The following VWA8 variants were observed in gnomAD, a reference collection of about 807,000 sequenced individuals.
VWA8 encodes the protein von Willebrand factor A domain-containing protein 8.
In VWA8, 221 loss-of-function variants were observed where a neutral mutation model predicts 241.5. The observed-to-expected ratio is 0.91, with a 90% CI of 0.82 to 1.02. The LOEUF (loss-of-function observed/expected upper bound fraction) is 1.02, where lower values mean the gene tolerates loss of function less well. Ranked by LOEUF, VWA8 falls within the 50% of genes least tolerant of loss-of-function variation. The pLI is 0.00. For missense variants in VWA8, 2,322 were observed against 2,328.7 expected (o/e 1.00, Z 0.06); for synonymous variants, 852 against 827.1 (o/e 1.03, Z -0.52).
At chr13:41,786,988 T>C (rs1192907921) in intron 18 of VWA8, among the ~76,000 whole-genome samples, 1 of 151,790 alleles carries the variant, frequency 6.6e-6, no homozygotes, top group African/African-American at 2.4e-5. Context: ...ATGCATATTC[T>C]GATTATTATT....
Position 41,778,073 on chromosome 13 carries a change from T to C in VWA8, c.2278-17A>G, listed in dbSNP as rs768249529. 1 of 1,601,926 alleles carries C rather than the reference T, an allele frequency of 6.2e-7. No individual in the cohort carries two copies. The highest frequency in any genetic ancestry group is 8.5e-7 in the Non-Finnish European group (1 of 1,173,586). On this transcript the variant is annotated splice_polypyrimidine_tract_variant and intron_variant, in intron 19 of 44. Transcript: ENST00000379310. ...TATCACATGCTAGAGAAAAAGGAAC[T>C]AGGGGTTAACTGTTTTGTACAATCA...
At chr13:41,606,367 C>T (rs187819271) in intron 39 of VWA8, among the ~76,000 whole-genome samples, 48 of 152,228 alleles carry the variant, frequency 3.2e-4, no homozygotes, top group African/African-American at 1.1e-3. Flanking sequence ...CTTAAACCGT[C>T]AGTAGAAAGT....
chr13:41,802,512 C>G (rs1490060652), intron 17 of VWA8, among the ~76,000 whole-genome samples: 1 of 152,206 alleles, frequency 6.6e-6, no homozygotes, highest in Non-Finnish European at 1.5e-5. Context: ...CCAGTGCGGA[C>G]AGCCAAGGCA....
At chr13:41,796,581 A>G (rs377509186) in intron 17 of VWA8, among the ~76,000 whole-genome samples, 2 of 152,020 alleles carry the variant, frequency 1.3e-5, no homozygotes, top group Admixed American at 6.5e-5. Context: ...TTATCTATTA[A>G]TATTTTCAAA....
At chr13:41,765,188 A>G (rs1406833752) in intron 20 of VWA8, among the ~76,000 whole-genome samples, 1 of 151,964 alleles carries the variant, frequency 6.6e-6, no homozygotes, top group East Asian at 1.9e-4. Flanking sequence ...GGGGGAGGGA[A>G]GTCTAGTTAT....
intron 35 of VWA8, among the ~76,000 whole-genome samples, chr13:41,684,129 C>T (rs968792619): frequency 2.0e-5 from 3 of 152,080 alleles, no homozygotes; most frequent in African/African-American, 7.2e-5. Flanking sequence ...TCAGTTTATT[C>T]ATCTGCCTCT....
intron 37 of VWA8, among the ~76,000 whole-genome samples, chr13:41,657,179 C>T (rs1420225514): frequency 3.9e-5 from 6 of 152,106 alleles, no homozygotes; most frequent in Non-Finnish European, 1.5e-5. Context: ...TTACCCAGTG[C>T]TACCAGGACC....
intron 20 of VWA8, among the ~76,000 whole-genome samples, chr13:41,772,239 T>A (rs9525542): frequency 0.084 from 12,777 of 152,210 alleles, 549 homozygotes; most frequent in East Asian, 0.11. Flanking sequence ...TTATGGCTGA[T>A]TCTATAGCCC....
intron 24 of VWA8, among the ~76,000 whole-genome samples, chr13:41,725,844 C>T (rs1453134404): frequency 1.3e-5 from 2 of 152,162 alleles, no homozygotes; most frequent in African/African-American, 4.8e-5. Context: ...TATTACATCT[C>T]TAAGTGCATC....
intron 42 of VWA8, among the ~76,000 whole-genome samples, chr13:41,585,071 G>T (rs753006286): frequency 6.8e-6 from 1 of 147,510 alleles, no homozygotes; most frequent in African/African-American, 2.5e-5. Flanking sequence ...AGTTTGGTTT[G>T]TAACTGTCAA....
At chr13:41,661,259 A>T (rs1353137551) in intron 37 of VWA8, among the ~76,000 whole-genome samples, 5 of 152,210 alleles carry the variant, frequency 3.3e-5, no homozygotes, top group African/African-American at 7.2e-5. Flanking sequence ...GCTCAGAAAC[A>T]CTGACTTCTA....
intron 13 of VWA8, among the ~76,000 whole-genome samples, chr13:41,831,783 A>G (rs896142268): frequency 1.4e-5 from 2 of 145,246 alleles, no homozygotes; most frequent in Admixed American, 1.4e-4. Flanking sequence ...CCATGCCCAG[A>G]TAATTTTTGT....
At chr13:41,758,129 G>A (rs933496320) in intron 21 of VWA8, among the ~76,000 whole-genome samples, 3 of 151,020 alleles carry the variant, frequency 2.0e-5, no homozygotes, top group Admixed American at 6.6e-5. Flanking sequence ...AATTTACTAC[G>A]ACGGAAGCTC....
chr13:41,795,072 C>T (rs1276591455), intron 17 of VWA8, among the ~76,000 whole-genome samples: 1 of 151,876 alleles, frequency 6.6e-6, no homozygotes, highest in East Asian at 1.9e-4. Context: ...GTCTAATATC[C>T]AGAATCCACA....
chr13:41,682,439 C>T (rs946337428), intron 35 of VWA8, among the ~76,000 whole-genome samples: 1 of 152,060 alleles, frequency 6.6e-6, no homozygotes, highest in Non-Finnish European at 1.5e-5. Flanking sequence ...TAGAAGAAAA[C>T]ATAGAAGATT....
At chr13:41,901,642 C>T (rs1875430169) in intron 4 of VWA8, among the ~76,000 whole-genome samples, 1 of 151,588 alleles carries the variant, frequency 6.6e-6, no homozygotes, top group African/African-American at 2.4e-5. Context: ...CCGAGGTATG[C>T]GGATCACCTG....
intron 21 of VWA8, among the ~76,000 whole-genome samples, chr13:41,739,549 T>G (rs1006997689): frequency 6.6e-6 from 1 of 152,276 alleles, no homozygotes; most frequent in Non-Finnish European, 1.5e-5. Flanking sequence ...CAGAAAAAAT[T>G]CCCAATGCTC....
At chr13:41,568,348 G>A (rs1177204623) in intron 44 of VWA8, 43 bp from the exon 45 acceptor site, 2 of 1,554,026 alleles carry the variant, frequency 1.3e-6, no homozygotes, top group African/African-American at 1.4e-5. Flanking sequence ...CTGTAAATGG[G>A]GCTCCCTTCC....
chr13:41,901,895 T>TAC (rs1875464941), intron 4 of VWA8, among the ~76,000 whole-genome samples: 1 of 75,810 alleles, frequency 1.3e-5, no homozygotes, highest in Non-Finnish European at 2.7e-5. Flanking sequence ...AAAAAATATA[T>TAC]ATATATATAT....
Sources: gnomAD v4.1 joint callset for allele counts (sites outside exome capture counted in the v4.1 genomes callset) on GRCh38, gnomAD v4.1.1 for gene constraint, MANE v1.5 for transcripts, NCBI Gene and HGNC (gene_info 2026-07-23, HGNC 2026-07-21) for gene names.